Variants in PCDHA4 observed in about 807,000 individuals in gnomAD.
The protein encoded by PCDHA4 is protocadherin alpha 4, also known as protocadherin alpha-4.
In PCDHA4, 49 loss-of-function variants were observed where a neutral mutation model predicts 61.4. The ratio of observed to expected loss-of-function variants is 0.80; its 90% CI spans 0.63 to 1.01. The LOEUF is 1.01. PCDHA4 is among the 50% of genes least tolerant of loss of function. The pLI is 0.00. For synonymous variants in PCDHA4, 590 were observed against 550.3 expected (o/e 1.07, Z -1.01); for missense variants, 1,254 against 1,235.8 (o/e 1.01, Z -0.22).
chr5:140,834,332 A>G (rs1179395632), intron 1 of PCDHA4: 7 of 1,485,034 alleles, frequency 4.7e-6, no homozygotes, highest in Non-Finnish European at 6.4e-6. Context: ...AAACATTCCT[A>G]TAAATTCGAA....
chr5:140,963,395 C>T (rs544819387), intron 1 of PCDHA4, among the ~76,000 whole-genome samples: 4 of 152,322 alleles, frequency 2.6e-5, no homozygotes, highest in African/African-American at 7.2e-5. Flanking sequence ...AAGCTCCCTA[C>T]TGGATGCTGT....
Position 140,883,457 on chromosome 5 carries a change from C to T in PCDHA4, c.2385+73885C>T, listed in dbSNP as rs142331981. Reference sequence around the variant, plus strand: ...CTTGACGCCGCATGTCCCCTTCAAGCTGGTGTCCACCTACAAGAACTACTA... The same window carrying T: ...CTTGACGCCGCATGTCCCCTTCAAGTTGGTGTCCACCTACAAGAACTACTA... On this transcript the variant is annotated intron_variant, in intron 1 of 3. Coordinates refer to ENST00000530339, the MANE Select transcript of PCDHA4 (RefSeq NM_018907.4). 3.6e-4 allele frequency: 576 copies of T among 1,614,196 alleles called. 4 individuals are homozygous for T. In the African/African-American group the frequency reaches 6.4e-3, roughly 18 times the overall value.
chr5:140,954,737 T>C (rs1208625491), intron 1 of PCDHA4, among the ~76,000 whole-genome samples: 38 of 152,210 alleles, frequency 2.5e-4, no homozygotes, highest in Non-Finnish European at 1.5e-5. Flanking sequence ...TTCACTCTGA[T>C]GATAGTTTCT....
intron 3 of PCDHA4, among the ~76,000 whole-genome samples, chr5:141,003,100 T>TTCACAATC (rs1311391173): frequency 6.6e-6 from 1 of 152,240 alleles, no homozygotes; most frequent in African/African-American, 2.4e-5. Flanking sequence ...TGGCATTTGC[T>TTCACAATC]TCACAATCTT....
intron 1 of PCDHA4, chr5:140,835,364 C>T: frequency 6.2e-7 from 1 of 1,613,892 alleles, no homozygotes; most frequent in Non-Finnish European, 8.5e-7. Flanking sequence ...ATAAAGGCTT[C>T]CCACCCCTGG....
chr5:140,876,922 G>C (rs1554169106), intron 1 of PCDHA4: 6 of 1,613,906 alleles, frequency 3.7e-6, no homozygotes, highest in African/African-American at 2.7e-5. Context: ...GGACGCGGAC[G>C]CGCAGAAGAA....
intron 1 of PCDHA4, chr5:140,969,402 T>C: frequency 6.3e-7 from 1 of 1,579,638 alleles, no homozygotes; most frequent in Non-Finnish European, 8.6e-7. Flanking sequence ...TCCTGTGATT[T>C]GGCTTTATTG....
At position 140,880,762 on chromosome 5, in the gene PCDHA4, G is replaced by A. The variant is rs2153374847; in HGVS notation, c.2385+71190G>A. 3.9e-5 allele frequency among the ~76,000 whole-genome samples: 6 copies of A among 152,350 alleles called. No homozygotes were observed. The Middle Eastern group carries it at 0.014, about 345-fold the overall frequency. On this transcript the variant is annotated intron_variant, in intron 1 of 3. Coordinates refer to ENST00000530339, the MANE Select transcript of PCDHA4 (RefSeq NM_018907.4). ...GGATTGTCAGTGTAACTGCGTGTTGGAGGCTAAAAAGAATGTTAGAGGAGT... is the reference window on the plus strand; with the variant it reads ...GGATTGTCAGTGTAACTGCGTGTTGAAGGCTAAAAAGAATGTTAGAGGAGT...
chr5:140,833,497 T>C (rs1189966993), intron 1 of PCDHA4, among the ~76,000 whole-genome samples: 6 of 152,168 alleles, frequency 3.9e-5, no homozygotes, highest in Non-Finnish European at 7.4e-5. Flanking sequence ...ATATTTGAGA[T>C]TGTAAAAATA....
chr5:140,952,157 T>TG (rs771517820), intron 1 of PCDHA4, among the ~76,000 whole-genome samples: 33 of 152,162 alleles, frequency 2.2e-4, no homozygotes, highest in Non-Finnish European at 4.3e-4. Flanking sequence ...TGTGGCTTTG[T>TG]GGGGTTCAGT....
At chr5:140,821,516 G>A (rs1264771633) in intron 1 of PCDHA4, 3 of 397,680 alleles carry the variant, frequency 7.5e-6, no homozygotes, top group African/African-American at 2.0e-5. Flanking sequence ...GCTAAATAAA[G>A]CAAAACAAAA....
rs1440009442 is a variant in PCDHA4, at chr5:140,964,448, A to G, written c.2386-14501A>G. Among the ~76,000 whole-genome samples the G allele has an allele frequency of 3.3e-5, 5 of 152,212 alleles. No homozygotes were observed. The South Asian group carries it at 8.3e-4, about 25-fold the overall frequency. On this transcript the variant is annotated intron_variant, in intron 1 of 3. Transcript: ENST00000530339. ...AAAATTACCAAGCCTCTGCCACTGT[A>G]ATCTCTTCCTTAAGTGCCTATGATT...
chr5:140,871,668 T>G (rs2053250173), intron 1 of PCDHA4: 6 of 1,174,012 alleles, frequency 5.1e-6, no homozygotes, highest in Non-Finnish European at 7.0e-6. Context: ...CTTCAGTCTT[T>G]TAATCATATG....
In PCDHA4 at chr5:140,926,779, C is replaced by T. The variant is rs1262086128; in HGVS notation, c.2386-52170C>T. 8 of 1,398,696 alleles carry T rather than the reference C, an allele frequency of 5.7e-6. No individual in the cohort carries two copies. In the South Asian group the frequency reaches 1.2e-4, roughly 21 times the overall value. 86.6% of individuals were successfully genotyped at this position (1,398,696 alleles called of 1,614,324 possible). A position where few individuals can be genotyped will look rare whatever the true frequency, so the allele number is the denominator to read the frequency against. On this transcript the variant is annotated intron_variant, in intron 1 of 3. Transcript: ENST00000530339. ...CTGAGTATCCAGCCCGCAGCAGTGACGGCCGGCAGGAGCGTGCTCTTCCCC... is the reference window on the plus strand; with the variant it reads ...CTGAGTATCCAGCCCGCAGCAGTGATGGCCGGCAGGAGCGTGCTCTTCCCC...
chr5:140,829,793 C>A (rs1369213842), intron 1 of PCDHA4: 2 of 1,613,818 alleles, frequency 1.2e-6, no homozygotes, highest in African/African-American at 2.7e-5. Context: ...GCTGCTGGCG[C>A]CTCGGGTGGG....
intron 1 of PCDHA4, chr5:140,836,970 C>T: frequency 2.6e-6 from 1 of 381,196 alleles, no homozygotes; most frequent in Non-Finnish European, 4.6e-6. Flanking sequence ...GGCTACTCTC[C>T]ATTTTTGGAG....
chr5:140,954,537 T>C (rs2095052425), intron 1 of PCDHA4, among the ~76,000 whole-genome samples: 1 of 152,268 alleles, frequency 6.6e-6, no homozygotes, highest in Non-Finnish European at 1.5e-5. Flanking sequence ...TTGAGGTTTT[T>C]TTCATATGTT....
At chr5:140,839,410 G>A (rs1776218295) in intron 1 of PCDHA4, among the ~76,000 whole-genome samples, 1 of 151,704 alleles carries the variant, frequency 6.6e-6, no homozygotes, top group South Asian at 2.1e-4. Context: ...TTATTTTTGA[G>A]ACAGGGTCTC....
At chr5:140,924,894 CAAAAA>C (rs782133089) in intron 1 of PCDHA4, among the ~76,000 whole-genome samples, 149 of 71,508 alleles carry the variant, frequency 2.1e-3, no homozygotes, top group African/African-American at 5.7e-3. Context: ...GAACCTGTCT[CAAAAA>C]AAAAAATAAA....
Sources: allele counts gnomAD v4.1 joint callset (sites outside exome capture counted in the v4.1 genomes callset), GRCh38; gene constraint gnomAD v4.1.1; transcripts MANE v1.5; gene names NCBI Gene and HGNC (gene_info 2026-07-23, HGNC 2026-07-21).